The following STK32B variants were observed in gnomAD, a reference collection of about 807,000 sequenced individuals.
STK32B encodes serine/threonine-protein kinase 32B.
STK32B carries 43 observed loss-of-function variants against 52.6 expected under a neutral mutation model. That is an observed-to-expected ratio of 0.82 (90% CI 0.64 to 1.05). The LOEUF is 1.05. STK32B is among the 50% of genes least tolerant of loss of function. The pLI is 0.00. For synonymous variants in STK32B, 238 were observed against 204.3 expected (o/e 1.17, Z -1.41); for missense variants, 621 against 534.6 (o/e 1.16, Z -1.59).
chr4:5,361,196 C>T (rs746330832), intron 4 of STK32B, among the ~76,000 whole-genome samples: 3 of 152,172 alleles, frequency 2.0e-5, no homozygotes, highest in Admixed American at 6.5e-5. Flanking sequence ...GGTTGTATCA[C>T]ATTTTGTTTA....
intron 1 of STK32B, among the ~76,000 whole-genome samples, chr4:5,065,970 C>T (rs867998012): frequency 1.2e-4 from 18 of 152,222 alleles, no homozygotes; most frequent in East Asian, 3.9e-4. Flanking sequence ...GTGATCTGCC[C>T]GCCTCAGCCT....
At chr4:5,047,594 G>A (rs969147658), upstream of STK32B, among the ~76,000 whole-genome samples, 1 of 152,136 alleles carries the variant, frequency 6.6e-6, no homozygotes, top group Non-Finnish European at 1.5e-5. Context: ...TTCCATCAAC[G>A]TATATTTGTA....
chr4:5,220,043 C>G (rs972011206), intron 3 of STK32B, among the ~76,000 whole-genome samples: 7 of 152,106 alleles, frequency 4.6e-5, no homozygotes, highest in Non-Finnish European at 1.0e-4. Flanking sequence ...TTTTATTGTA[C>G]ACACTAAAGC....
intron 3 of STK32B, among the ~76,000 whole-genome samples, chr4:5,265,460 C>CT (rs2108850003): frequency 6.6e-6 from 1 of 152,330 alleles, no homozygotes; most frequent in East Asian, 1.9e-4. Flanking sequence ...TGCCTGACCA[C>CT]TGCCGCCATC....
intron 3 of STK32B, among the ~76,000 whole-genome samples, chr4:5,250,607 C>T (rs955486574): frequency 2.0e-5 from 3 of 152,116 alleles, no homozygotes; most frequent in African/African-American, 4.8e-5. Flanking sequence ...GCCACCGTGC[C>T]CAGCTGTTTT....
At chr4:5,137,024 G>A (rs572932865) in intron 1 of STK32B, among the ~76,000 whole-genome samples, 93 of 152,270 alleles carry the variant, frequency 6.1e-4, no homozygotes, top group African/African-American at 2.1e-3. Context: ...TATTTACAAT[G>A]TTATAACACT....
At chr4:5,328,297 T>C (rs930024051) in intron 3 of STK32B, among the ~76,000 whole-genome samples, 2 of 152,336 alleles carry the variant, frequency 1.3e-5, no homozygotes, top group East Asian at 1.9e-4. Context: ...TGGCCAACTT[T>C]ATGTTGTAAG....
At chr4:5,413,632 G>T (rs556445136) in intron 5 of STK32B, among the ~76,000 whole-genome samples, 1 of 152,180 alleles carries the variant, frequency 6.6e-6, no homozygotes, top group East Asian at 1.9e-4. Context: ...ATAGCAAAAG[G>T]CACTATAAAC....
intron 1 of STK32B, among the ~76,000 whole-genome samples, chr4:5,067,503 G>A (rs1273417284): frequency 2.0e-5 from 3 of 152,098 alleles, no homozygotes; most frequent in Non-Finnish European, 2.9e-5. Context: ...GAAAATCACC[G>A]TGTAAACTTA....
At position 5,317,234 on chromosome 4, in the gene STK32B, CAT is replaced by C. The variant is rs1164468428; in HGVS notation, c.261-13977_261-13976del. Reference sequence around the variant, plus strand: ...TATAACATATATATATTATATATAACATATATATATTATATATAACATATAAC... The same window carrying C: ...TATAACATATATATATTATATATAACATATATATTATATATAACATATAAC... On this transcript the variant is annotated intron_variant, in intron 3 of 11. Coordinates refer to ENST00000282908, the MANE Select transcript of STK32B (RefSeq NM_018401.3). 2.9e-3 allele frequency among the ~76,000 whole-genome samples: 101 copies of C among 34,934 alleles called. 12 individuals are homozygous for C. The highest frequency in any genetic ancestry group is 0.033 in the Middle Eastern group (1 of 30). The allele number at this position is 34,934 out of a possible 152,430, so 22.9% of individuals were successfully genotyped here.
At chr4:5,350,433 G>T (rs990331204) in intron 4 of STK32B, among the ~76,000 whole-genome samples, 2 of 151,928 alleles carry the variant, frequency 1.3e-5, no homozygotes, top group African/African-American at 4.8e-5. Flanking sequence ...CCCTGGGAGT[G>T]AAAGAATGAT....
intron 5 of STK32B, among the ~76,000 whole-genome samples, chr4:5,416,006 A>G (rs923453554): frequency 3.9e-5 from 6 of 152,196 alleles, no homozygotes; most frequent in African/African-American, 1.4e-4. Flanking sequence ...AAATCCAGCC[A>G]GCCATTTTCA....
At chr4:5,041,949 G>T in the STK32B span, among the ~76,000 whole-genome samples, 1 of 152,188 alleles carries the variant, frequency 6.6e-6, no homozygotes, top group Admixed American at 6.5e-5. Context: ...ATCTGATATA[G>T]CAGACTCTAC....
chr4:5,447,797 G>A (rs1180871733), intron 7 of STK32B, among the ~76,000 whole-genome samples: 2 of 152,226 alleles, frequency 1.3e-5, no homozygotes, highest in Non-Finnish European at 2.9e-5. Context: ...CGGAGCTGGA[G>A]TTTTAGGATT....
At chr4:5,079,482 A>G (rs1381476803) in intron 1 of STK32B, among the ~76,000 whole-genome samples, 1 of 152,184 alleles carries the variant, frequency 6.6e-6, no homozygotes, top group Non-Finnish European at 1.5e-5. Flanking sequence ...AAGAAGGCAA[A>G]ATTTCAATCT....
intron 1 of STK32B, among the ~76,000 whole-genome samples, chr4:5,102,942 C>T (rs1242464930): frequency 1.6e-5 from 2 of 122,530 alleles, no homozygotes; most frequent in South Asian, 3.2e-4. Flanking sequence ...CTCCCCCCTC[C>T]CCCTCCTCTC....
chr4:5,273,203 A>G (rs1204062318), intron 3 of STK32B, among the ~76,000 whole-genome samples: 1 of 142,448 alleles, frequency 7.0e-6, no homozygotes, highest in Non-Finnish European at 1.5e-5. Flanking sequence ...ACACTTCTCA[A>G]AAGAAGACAT....
At chr4:5,185,536 GGAAAGGGACGTGGGGGAGGACAGA>G (rs1339165502) in intron 3 of STK32B, among the ~76,000 whole-genome samples, 2 of 152,212 alleles carry the variant, frequency 1.3e-5, no homozygotes, top group African/African-American at 2.4e-5. Flanking sequence ...TGGAGGGCAG[GGAAAGGGACGTGGGGGAGGACAGA>G]GACTGGAAGG....
Position 5,499,900 on chromosome 4 carries a change from C to G in STK32B, c.*817C>G, listed in dbSNP as rs1720599787. ...ATCCAACTGGCCCGAAAGCCCAGAC[C>G]TGCAGCAGAACTCTCCAACTCTCTA... On this transcript the variant is annotated 3_prime_UTR_variant, in exon 12 of 12. Transcript: ENST00000282908. The G allele has an allele frequency of 6.6e-6, 1 of 152,346 alleles. No homozygotes were observed. The highest frequency in any genetic ancestry group is 1.5e-5 in the Non-Finnish European group (1 of 68,174). The allele number at this position is 152,346 out of a possible 1,614,324, so 9.4% of individuals were successfully genotyped here. A position where few individuals can be genotyped will look rare whatever the true frequency, so the allele number is the denominator to read the frequency against.
Sources: gnomAD v4.1 joint callset for allele counts (sites outside exome capture counted in the v4.1 genomes callset) on GRCh38, gnomAD v4.1.1 for gene constraint, MANE v1.5 for transcripts, NCBI Gene and HGNC (gene_info 2026-07-23, HGNC 2026-07-21) for gene names.